FBXO11: variants seen among roughly 807,000 people sequenced by gnomAD.
The protein encoded by FBXO11 is F-box protein 11.
FBXO11 carries 13 observed loss-of-function variants against 117.0 expected under a neutral mutation model. The ratio of observed to expected loss-of-function variants is 0.11; its 90% CI spans 0.07 to 0.18. The LOEUF (loss-of-function observed/expected upper bound fraction) is 0.18. Among genes scored for constraint, FBXO11 ranks in the 10% least tolerant of loss-of-function variants. The pLI, the probability that FBXO11 is intolerant of heterozygous loss-of-function variation, is 1.00. For missense variants in FBXO11, 767 were observed against 1,164.4 expected, an observed-to-expected ratio of 0.66 and a Z score of 4.97; for synonymous variants, 490 against 380.5, an observed-to-expected ratio of 1.29 and a Z score of -3.35.
At chr2:47,871,381 A>G (rs902081733) in intron 1 of FBXO11, among the ~76,000 whole-genome samples, 2 of 152,154 alleles carry the variant, frequency 1.3e-5, no homozygotes, top group African/African-American at 4.8e-5. Flanking sequence ...CCCAGTCAAG[A>G]CTTCAAATGA....
chr2:47,878,964 T>TCAAAACAAAA (rs145348225), intron 1 of FBXO11, among the ~76,000 whole-genome samples: 9,252 of 151,882 alleles, frequency 0.061, 304 homozygotes, highest in Non-Finnish European at 0.069. Context: ...AAACTCTGTC[T>TCAAAACAAAA]CAAAACAAAA....
chr2:47,827,655 C>T (rs1003832959), intron 11 of FBXO11, among the ~76,000 whole-genome samples: 4 of 151,576 alleles, frequency 2.6e-5, no homozygotes, highest in African/African-American at 7.3e-5. Context: ...TTAAGCAATA[C>T]CTCTAGTACA....
chr2:47,868,781 GCC>G (rs1312412340), intron 1 of FBXO11, among the ~76,000 whole-genome samples: 3 of 152,166 alleles, frequency 2.0e-5, no homozygotes, highest in Non-Finnish European at 2.9e-5. Context: ...CCAATACTTA[GCC>G]CCCAATATAG....
intron 5 of FBXO11, among the ~76,000 whole-genome samples, 162 bp from the exon 6 acceptor site, chr2:47,835,033 T>C (rs900104491): frequency 6.6e-6 from 1 of 152,240 alleles, no homozygotes; most frequent in African/African-American, 2.4e-5. Context: ...TAAAACAAGT[T>C]ATGATCCGGT....
Position 47,806,945 on chromosome 2 carries a change from T to C in FBXO11, c.*1173A>G. 9.6e-7 allele frequency: 1 copy of C among 1,036,782 alleles called. No individual in the cohort carries two copies. Among genetic ancestry groups the C allele is most frequent in the Non-Finnish European group, 1.5e-6 (1 of 675,374 alleles). 64.2% of individuals were successfully genotyped at this position (1,036,782 alleles called of 1,614,324 possible). A position where few individuals can be genotyped will look rare whatever the true frequency, so the allele number is the denominator to read the frequency against. On this transcript the variant is annotated 3_prime_UTR_variant, in exon 23 of 23. Coordinates refer to ENST00000403359, the MANE Select transcript of FBXO11 (RefSeq NM_001190274.2). ...TTATGATCTAATAAACTTTATTTTT[T>C]AAAAATGACCATTTTTCCATTTTCT...
intron 18 of FBXO11, among the ~76,000 whole-genome samples, chr2:47,812,112 CCT>C (rs144456935): frequency 0.071 from 10,865 of 152,216 alleles, 544 homozygotes; most frequent in Non-Finnish European, 0.11. Context: ...ATATGGAAAA[CCT>C]CATGATTTGG....
intron 1 of FBXO11, among the ~76,000 whole-genome samples, chr2:47,853,134 C>A (rs1430169359): frequency 6.6e-6 from 1 of 151,410 alleles, no homozygotes; most frequent in Non-Finnish European, 1.5e-5. Flanking sequence ...TGCAGTGGCA[C>A]GATCTTGGCT....
At position 47,900,613 on chromosome 2, in the gene FBXO11, TATATACAC is replaced by T. The variant is rs1375489028; in HGVS notation, c.232+4868_232+4875del. Among the ~76,000 whole-genome samples the T allele has an allele frequency of 6.4e-4, 47 of 73,272 alleles. 4 individuals carry two copies. Among genetic ancestry groups the T allele is most frequent in the East Asian group, 3.1e-3 (7 of 2,278 alleles). The allele number at this position is 73,272 out of a possible 152,430, so 48.1% of individuals were successfully genotyped here. A position where few individuals can be genotyped will look rare whatever the true frequency, so the allele number is the denominator to read the frequency against. On this transcript the variant is annotated intron_variant, in intron 1 of 22. Transcript: ENST00000403359. ...ACGTATATACACACGTATACACACGTATATACACACGTATACACACACGTACGTATATA... is the reference window on the plus strand; with the variant it reads ...ACGTATATACACACGTATACACACGTACGTATACACACACGTACGTATATA...
At chr2:47,822,128 C>T in intron 13 of FBXO11, 90 bp downstream of exon 13, 5 of 864,056 alleles carry the variant, frequency 5.8e-6, no homozygotes, top group Non-Finnish European at 9.3e-6. Flanking sequence ...AGTGCTTCCA[C>T]TTGGGTAGTT....
chr2:47,863,375 G>A (rs1202148279), intron 1 of FBXO11, among the ~76,000 whole-genome samples: 1 of 152,152 alleles, frequency 6.6e-6, no homozygotes, highest in East Asian at 1.9e-4. Flanking sequence ...ATACTTTAAT[G>A]TCTACAAGTG....
At chr2:47,829,697 G>C (rs571731957) in intron 11 of FBXO11, among the ~76,000 whole-genome samples, 1 of 151,886 alleles carries the variant, frequency 6.6e-6, no homozygotes, top group African/African-American at 2.4e-5. Flanking sequence ...TTAGCACTGT[G>C]GTTATGTGAA....
chr2:47,832,277 A>T (rs895931917), intron 11 of FBXO11, 72 bp downstream of exon 11: 34 of 1,337,654 alleles, frequency 2.5e-5, no homozygotes, highest in Non-Finnish European at 3.2e-5. Flanking sequence ...TGATGAGAAA[A>T]TAATGCTGAA....
intron 16 of FBXO11, among the ~76,000 whole-genome samples, chr2:47,815,104 C>A (rs1670917747): frequency 6.6e-6 from 1 of 152,190 alleles, no homozygotes; most frequent in Non-Finnish European, 1.5e-5. Context: ...CCCCTAAAGT[C>A]ATCCATGAGG....
At chr2:47,846,425 C>T (rs1358602973) in intron 1 of FBXO11, among the ~76,000 whole-genome samples, 1 of 152,154 alleles carries the variant, frequency 6.6e-6, no homozygotes, top group Non-Finnish European at 1.5e-5. Context: ...GGAGATCATG[C>T]CATTGCACTC....
chr2:47,891,115 C>G (rs936478141), intron 1 of FBXO11, among the ~76,000 whole-genome samples: 8 of 152,114 alleles, frequency 5.3e-5, no homozygotes, highest in African/African-American at 1.9e-4. Context: ...TGAGCCACTG[C>G]CAAAACTATT....
intron 1 of FBXO11, chr2:47,883,563 C>A: frequency 2.9e-6 from 1 of 347,224 alleles, no homozygotes; most frequent in South Asian, 2.6e-5. Context: ...GGAAGAAATT[C>A]GTCTGGATCG....
chr2:47,883,168 T>C (rs1430815025), intron 1 of FBXO11, among the ~76,000 whole-genome samples: 1 of 152,212 alleles, frequency 6.6e-6, no homozygotes, highest in Non-Finnish European at 1.5e-5. Context: ...GACTGTTCTT[T>C]GTGTTTGGGA....
At chr2:47,899,104 C>G (rs1420742334) in intron 1 of FBXO11, among the ~76,000 whole-genome samples, 4 of 151,960 alleles carry the variant, frequency 2.6e-5, no homozygotes, top group Non-Finnish European at 5.9e-5. Flanking sequence ...GAAACCCGGT[C>G]TCTACTAAAA....
In FBXO11 at chr2:47,905,549, G is replaced by T; in HGVS notation, c.172C>A (p.Pro58Thr). 8.0e-7 allele frequency: 1 copy of T among 1,245,186 alleles called. No individual in the cohort carries two copies. The allele number at this position is 1,245,186 out of a possible 1,614,324, so 77.1% of individuals were successfully genotyped here. The change falls in exon 1 of 23, where the codon CCG becomes ACG. Residue 58 changes from proline to threonine, a missense_variant. Physicochemically the swap from Pro to Thr is conservative, Grantham distance 38. Transcript: ENST00000403359. The part of the protein sequence containing the change: ...PPQQQQQQQP[P>T]PPPPPPPPLP... Reference sequence around the variant, plus strand: ...GGCGGAGGCGGCGGTGGCGGCGGCGGAGGCTGCTGCTGCTGCTGCTGCTGC... The same window carrying T: ...GGCGGAGGCGGCGGTGGCGGCGGCGTAGGCTGCTGCTGCTGCTGCTGCTGC...
Sources: allele counts gnomAD v4.1 joint callset (sites outside exome capture counted in the v4.1 genomes callset), GRCh38; gene constraint gnomAD v4.1.1; transcripts MANE v1.5; gene names NCBI Gene and HGNC (gene_info 2026-07-23, HGNC 2026-07-21).